PHTF1: variants seen among roughly 807,000 people sequenced by gnomAD.
PHTF1 encodes putative homeodomain transcription factor 1.
PHTF1 carries 88 observed loss-of-function variants against 102.4 expected under a neutral mutation model. That is an observed-to-expected ratio of 0.86 (90% confidence interval 0.72 to 1.03). The LOEUF is 1.03. Ranked by LOEUF, PHTF1 falls within the 50% of genes least tolerant of loss-of-function variation. The pLI is 0.00. For synonymous variants in PHTF1, 289 were observed against 305.2 expected (o/e 0.95, Z 0.55); for missense variants, 814 against 909.5 (o/e 0.89, Z 1.35).
chr1:113,705,028 A>G (rs1212496041), intron 13 of PHTF1, among the ~76,000 whole-genome samples: 1 of 152,230 alleles, frequency 6.6e-6, no homozygotes, highest in Non-Finnish European at 1.5e-5. Flanking sequence ...CAACATTTGC[A>G]AGGAATATTC....
chr1:113,759,821 AGTGGGCT>A (rs1315763011), upstream of PHTF1, among the ~76,000 whole-genome samples: 2 of 152,180 alleles, frequency 1.3e-5, no homozygotes, highest in African/African-American at 4.8e-5. Context: ...TCTGTTCCCC[AGTGGGCT>A]GTGGGCTCCA....
chr1:113,750,744 C>A (rs1657945694), intron 3 of PHTF1, among the ~76,000 whole-genome samples: 1 of 151,282 alleles, frequency 6.6e-6, no homozygotes, highest in Admixed American at 6.6e-5. Context: ...TAATCCCAGC[C>A]ACTCGGGAGG....
intron 5 of PHTF1, among the ~76,000 whole-genome samples, chr1:113,727,572 T>G (rs1290016898): frequency 1.3e-5 from 2 of 152,214 alleles, no homozygotes; most frequent in Non-Finnish European, 2.9e-5. Context: ...ACAATAAGCT[T>G]AAGTATTTGT....
chr1:113,703,174 A>C (rs1189438091), intron 15 of PHTF1, among the ~76,000 whole-genome samples: 1 of 152,228 alleles, frequency 6.6e-6, no homozygotes, highest in Non-Finnish European at 1.5e-5. Flanking sequence ...TTTGACACAT[A>C]AAGGACACTG....
chr1:113,706,159 T>C lies in PHTF1; in HGVS notation c.1402A>G (p.Asn468Asp), dbSNP rs147693102. Residue 468 changes from asparagine (N) to aspartate (D), a missense_variant, in exon 13 of 19, where the codon AAT becomes GAT. By Grantham distance (23) the Asn-to-Asp change is conservative. Transcript: ENST00000369604. ...EISGIIMSRV[N>D]AYQQGVGYQM... ...TAACCTACTCCTTGCTGATAGGCAT[T>C]GACCTGTGAATTAATTTAAAATTTC... 4 of 1,596,898 alleles carry C rather than the reference T, an allele frequency of 2.5e-6. No homozygotes were observed. In the African/African-American group the frequency reaches 4.0e-5, roughly 16 times the overall value.
rs921114687 is a variant in PHTF1, at chr1:113,759,234, G to T, written c.-242C>A. ...CCCAGCGCCCTGAGGGCGGCAAATC[G>T]ATCGCCGGTCAGAGGCCGCCTACAG... On this transcript the variant is annotated 5_prime_UTR_variant, in exon 1 of 19. Coordinates refer to ENST00000369604, the MANE Select transcript of PHTF1 (RefSeq NM_001323043.2). The T allele has an allele frequency of 3.9e-6, 1 of 253,816 alleles. No individual in the cohort carries two copies. Among genetic ancestry groups the T allele is most frequent in the Non-Finnish European group, 6.2e-6 (1 of 160,596 alleles). 15.7% of individuals were successfully genotyped at this position (253,816 alleles called of 1,614,324 possible).
intron 7 of PHTF1, among the ~76,000 whole-genome samples, chr1:113,716,127 C>T (rs1424608449): frequency 6.6e-6 from 1 of 151,834 alleles, no homozygotes; most frequent in Admixed American, 6.6e-5. Flanking sequence ...TCATACAATA[C>T]CAAACAGATT....
At chr1:113,739,917 T>C (rs1488840104) in intron 3 of PHTF1, among the ~76,000 whole-genome samples, 1 of 152,260 alleles carries the variant, frequency 6.6e-6, no homozygotes, top group Non-Finnish European at 1.5e-5. Context: ...AACTTCATTC[T>C]TTCTTACAGC....
chr1:113,758,868 C>A, intron 1 of PHTF1, 135 bp from the exon 2 acceptor site: 1 of 1,286,886 alleles, frequency 7.8e-7, no homozygotes, highest in Non-Finnish European at 9.9e-7. Context: ...AGGGAAAACA[C>A]AACAAACAAA....
At chr1:113,745,007 C>CAGGGCAGGAG (rs1657009038) in intron 3 of PHTF1, among the ~76,000 whole-genome samples, 1 of 126,002 alleles carries the variant, frequency 7.9e-6, no homozygotes, top group Non-Finnish European at 1.7e-5. Flanking sequence ...GAAGGGAGGG[C>CAGGGCAGGAG]AGGGCAGGAG....
intron 6 of PHTF1, 97 bp from the exon 7 acceptor site, chr1:113,724,990 C>T (rs1281541542): frequency 1.2e-6 from 1 of 813,974 alleles, no homozygotes; most frequent in African/African-American, 1.7e-5. Context: ...AAATTACTAC[C>T]TTAAATCAAG....
chr1:113,712,105 A>G lies in PHTF1; in HGVS notation c.792T>C (p.Phe264=). The change falls in exon 9 of 19, where the codon TTT becomes TTC. Residue 264 remains phenylalanine (F), a synonymous_variant. Transcript: ENST00000369604. The stretch of plus-strand genomic sequence containing the variant: ...CAGACACCCCATTACCCAAACGCCT[A>G]AAAGCCTCCTACAAAGAGAACAGCA... ...SDGEKCRREA[F]RRLGNGVSDD... 6.2e-7 allele frequency: 1 copy of G among 1,613,704 alleles called. No individual in the cohort carries two copies. Among genetic ancestry groups the G allele is most frequent in the Non-Finnish European group, 8.5e-7 (1 of 1,179,664 alleles).
At chr1:113,711,399 A>G (rs1651071634) in intron 10 of PHTF1, among the ~76,000 whole-genome samples, 1 of 152,082 alleles carries the variant, frequency 6.6e-6, no homozygotes, top group African/African-American at 2.4e-5. Context: ...ATCTTTCAGA[A>G]CTCCTTTCTC....
chr1:113,721,153 T>A (rs1190606312), intron 7 of PHTF1, among the ~76,000 whole-genome samples: 1 of 152,032 alleles, frequency 6.6e-6, no homozygotes, highest in Non-Finnish European at 1.5e-5. Flanking sequence ...AGATCATTCA[T>A]CACGACCAAG....
chr1:113,713,755 G>C (rs919920891), intron 7 of PHTF1: 4 of 259,684 alleles, frequency 1.5e-5, no homozygotes, highest in Non-Finnish European at 2.9e-5. Context: ...ACCTTATATC[G>C]TCTGTTATTG....
chr1:113,698,149 A>T, intron 18 of PHTF1, 113 bp downstream of exon 18: 1 of 672,930 alleles, frequency 1.5e-6, no homozygotes, highest in Non-Finnish European at 2.3e-6. Flanking sequence ...TTTGCATGCT[A>T]GAAACACACA....
In PHTF1 at chr1:113,738,768, T is replaced by C; in HGVS notation, c.134A>G (p.His45Arg). 2 of 1,605,498 alleles carry C rather than the reference T, an allele frequency of 1.2e-6. No individual in the cohort carries two copies. Among genetic ancestry groups the C allele is most frequent in the South Asian group, 1.1e-5 (1 of 88,744 alleles). The change falls in exon 4 of 19, where the codon CAC becomes CGC. Residue 45 changes from histidine (H) to arginine (R), a missense_variant. Physicochemically the swap from His to Arg is conservative, Grantham distance 29. Coordinates refer to ENST00000369604, the MANE Select transcript of PHTF1 (RefSeq NM_001323043.2). ...GLKNKPKKMG[H>R]IKPDLIDVDL... ...AACGTCAATCAAGTCTGGCTTTATG[T>C]GGCCCATCTTTTTCGGTTTGTTTTT...
At chr1:113,743,282 C>T (rs1656706013) in intron 3 of PHTF1, among the ~76,000 whole-genome samples, 1 of 150,968 alleles carries the variant, frequency 6.6e-6, no homozygotes, top group Non-Finnish European at 1.5e-5. Context: ...CTAAGACACA[C>T]ACAGCCAAGG....
chr1:113,728,837 A>G (rs566293136), intron 5 of PHTF1, among the ~76,000 whole-genome samples: 15 of 152,316 alleles, frequency 9.8e-5, no homozygotes, highest in Non-Finnish European at 1.9e-4. Context: ...TGTACCCAGG[A>G]GGCAAAGGGT....
Sources: gnomAD v4.1 joint callset for allele counts (sites outside exome capture counted in the v4.1 genomes callset) on GRCh38, gnomAD v4.1.1 for gene constraint, MANE v1.5 for transcripts, NCBI Gene and HGNC (gene_info 2026-07-23, HGNC 2026-07-21) for gene names.